Variants in OSBPL8 observed in about 807,000 individuals in gnomAD.
OSBPL8 encodes oxysterol-binding protein-related protein 8.
In OSBPL8, 59 loss-of-function variants were observed where a neutral mutation model predicts 125.5. The observed-to-expected ratio is 0.47, with a 90% CI of 0.38 to 0.58. The LOEUF is 0.58. Among genes scored for constraint, OSBPL8 ranks in the 20% least tolerant of loss-of-function variants. OSBPL8 has a pLI of 0.00. For missense variants in OSBPL8, 758 were observed against 1,047.8 expected (o/e 0.72, Z 3.82); for synonymous variants, 330 against 338.9 (o/e 0.97, Z 0.29).
chr12:76,422,204 A>G (rs954726779), intron 4 of OSBPL8, among the ~76,000 whole-genome samples: 5 of 152,112 alleles, frequency 3.3e-5, no homozygotes, highest in African/African-American at 1.2e-4. Flanking sequence ...TTTTGTGTTT[A>G]TCTCAAGTCT....
At chr12:76,553,498 T>TAAAA (rs34303965) in intron 1 of OSBPL8, among the ~76,000 whole-genome samples, 2 of 136,108 alleles carry the variant, frequency 1.5e-5, no homozygotes, top group Middle Eastern at 3.7e-3. Context: ...ACTCTGTTTC[T>TAAAA]AAAAAAAAAA....
intron 2 of OSBPL8, among the ~76,000 whole-genome samples, chr12:76,469,104 C>A (rs892705316): frequency 2.0e-5 from 3 of 152,170 alleles, no homozygotes; most frequent in African/African-American, 7.2e-5. Context: ...AGTTTCCAAC[C>A]TATTTTCTCT....
intron 16 of OSBPL8, among the ~76,000 whole-genome samples, chr12:76,377,622 T>C (rs1226457594): frequency 6.6e-6 from 1 of 152,216 alleles, no homozygotes; most frequent in Non-Finnish European, 1.5e-5. Context: ...GAATAATTTA[T>C]ATGTTTTCAT....
chr12:76,361,769 A>T (rs547677685), intron 21 of OSBPL8, among the ~76,000 whole-genome samples: 2 of 152,352 alleles, frequency 1.3e-5, no homozygotes, highest in African/African-American at 4.8e-5. Context: ...CATGAGACTT[A>T]TTCACTACCA....
intron 2 of OSBPL8, among the ~76,000 whole-genome samples, chr12:76,472,672 G>A (rs1876303257): frequency 6.6e-6 from 1 of 152,240 alleles, no homozygotes; most frequent in Non-Finnish European, 1.5e-5. Flanking sequence ...GGCAGAGAGA[G>A]ACAGGGAGAG....
intron 1 of OSBPL8, among the ~76,000 whole-genome samples, chr12:76,535,771 A>G (rs1292259114): frequency 1.3e-5 from 2 of 152,322 alleles, no homozygotes; most frequent in East Asian, 3.9e-4. Context: ...AATAAACCAG[A>G]CAAGAGTACA....
intron 19 of OSBPL8, 123 bp downstream of exon 19, chr12:76,371,325 C>T (rs1952610095): frequency 1.8e-6 from 2 of 1,101,510 alleles, no homozygotes; most frequent in South Asian, 5.5e-5. Context: ...GTCACTTCCA[C>T]AAATGATAAA....
intron 2 of OSBPL8, among the ~76,000 whole-genome samples, chr12:76,464,823 C>A (rs1346867374): frequency 1.3e-5 from 2 of 152,176 alleles, no homozygotes; most frequent in Admixed American, 6.5e-5. Flanking sequence ...CACCTTTTCA[C>A]CCAATAAAGT....
rs911159816 is a variant in OSBPL8 at position 76,408,384 on chromosome 12, C to T, written c.288+2180G>A. On this transcript the variant is annotated intron_variant, in intron 5 of 23. Coordinates refer to ENST00000261183, the MANE Select transcript of OSBPL8 (RefSeq NM_020841.5). ...GGCTGAGGCAGAAGAATGGCGTGAA[C>T]CCAGGAGGCAGAGCTTGCAGTGAGC... 4.8e-5 allele frequency among the ~76,000 whole-genome samples: 7 copies of T among 147,214 alleles called. No homozygotes were observed. The South Asian group carries it at 6.5e-4, about 14-fold the overall frequency.
At chr12:76,371,198 CTT>C in intron 19 of OSBPL8, 1 of 290,034 alleles carries the variant, frequency 3.4e-6, no homozygotes, top group Non-Finnish European at 6.2e-6. Context: ...TTCTTTCTTT[CTT>C]TTTTTTTAAG....
At chr12:76,482,843 A>G (rs1240120016) in intron 2 of OSBPL8, among the ~76,000 whole-genome samples, 1 of 152,248 alleles carries the variant, frequency 6.6e-6, no homozygotes, top group Non-Finnish European at 1.5e-5. Flanking sequence ...GCATATAAGT[A>G]CCACATATAG....
At chr12:76,501,276 A>AT (rs1326576585) in intron 1 of OSBPL8, among the ~76,000 whole-genome samples, 6 of 152,228 alleles carry the variant, frequency 3.9e-5, no homozygotes, top group Non-Finnish European at 8.8e-5. Flanking sequence ...TTTCACTTAA[A>AT]TGAATCTTGC....
At chr12:76,435,155 C>CGTGT (rs71082308) in intron 4 of OSBPL8, among the ~76,000 whole-genome samples, 10,403 of 146,492 alleles carry the variant, frequency 0.071, 385 homozygotes, top group Middle Eastern at 0.13. Flanking sequence ...TATATATCTA[C>CGTGT]GTGTGTGTGT....
rs528892242 is a variant in OSBPL8, at chr12:76,369,634, T to C, written c.2240+3A>G. ...TTGAAATAAACTATTTTAAGTTACTTACTCTGCAAACTTGTAATGCCATTC... is the reference window on the plus strand; with the variant it reads ...TTGAAATAAACTATTTTAAGTTACTCACTCTGCAAACTTGTAATGCCATTC... On this transcript the variant is annotated splice_donor_region_variant and intron_variant, in intron 20 of 23. Coordinates refer to ENST00000261183, the MANE Select transcript of OSBPL8 (RefSeq NM_020841.5). 9.9e-6 allele frequency: 16 copies of C among 1,610,494 alleles called. No homozygotes were observed. The highest frequency in any genetic ancestry group is 1.7e-4 in the Middle Eastern group (1 of 6,028).
chr12:76,390,636 T>G lies in OSBPL8; in HGVS notation c.951A>C (p.Glu317Asp), dbSNP rs750282504. 1.1e-5 allele frequency: 17 copies of G among 1,611,922 alleles called. No individual in the cohort carries two copies. The highest frequency in any genetic ancestry group is 1.4e-5 in the Non-Finnish European group (16 of 1,178,612). The change falls in exon 11 of 24, where the codon GAA (glutamate) becomes GAC (aspartate). Residue 317 changes from glutamate (E) to aspartate (D), a missense_variant. Glu to Asp is a conservative substitution (Grantham distance 45, BLOSUM62 2). Around this residue, in one of 3 missense-constraint regions of OSBPL8, gnomAD observed 572 missense variants for 762.0 expected, o/e 0.75. Coordinates refer to ENST00000261183, the MANE Select transcript of OSBPL8 (RefSeq NM_020841.5). ...TATCTTGGTCCTTAAAATGTTGTCGTTCAATTTCACTATCATTTAACCTTA... is the reference window on the plus strand; with the variant it reads ...TATCTTGGTCCTTAAAATGTTGTCGGTCAATTTCACTATCATTTAACCTTA... ...DNFQLNDSEI[E>D]RQHFKDQDMY...
chr12:76,475,598 A>C (rs1434546508), intron 2 of OSBPL8, among the ~76,000 whole-genome samples: 4 of 152,214 alleles, frequency 2.6e-5, no homozygotes, highest in African/African-American at 9.7e-5. Flanking sequence ...CAGCCTCTCT[A>C]TACACAGAGA....
intron 6 of OSBPL8, among the ~76,000 whole-genome samples, chr12:76,402,293 T>C (rs1565866592): frequency 6.6e-6 from 1 of 152,176 alleles, no homozygotes; most frequent in Non-Finnish European, 1.5e-5. Context: ...GGGTCAAAAT[T>C]TTAAAACATT....
chr12:76,530,579 C>T lies in OSBPL8; in HGVS notation c.-68+28818G>A, dbSNP rs375511858. On this transcript the variant is annotated intron_variant, in intron 1 of 23. Transcript: ENST00000261183. ...TTTCCAAGACACTTAACACCTGACA[C>T]ACACATTTGTTTATATCCCCACATG... 2.6e-5 allele frequency among the ~76,000 whole-genome samples: 4 copies of T among 152,262 alleles called. No individual in the cohort carries two copies. In the South Asian group the frequency reaches 8.3e-4, roughly 32 times the overall value.
chr12:76,481,209 T>C (rs1343562567), intron 2 of OSBPL8, among the ~76,000 whole-genome samples: 1 of 152,290 alleles, frequency 6.6e-6, no homozygotes, highest in South Asian at 2.1e-4. Context: ...GAGAATAAAT[T>C]TGTGTTGTTT....
Sources: gnomAD v4.1 joint callset for allele counts (sites outside exome capture counted in the v4.1 genomes callset) on GRCh38, gnomAD v4.1.1 for gene constraint, gnomAD v4.1.1 regional missense constraint, MANE v1.5 for transcripts, NCBI Gene and HGNC (gene_info 2026-07-23, HGNC 2026-07-21) for gene names.